The following SUGP2 variants were observed in gnomAD, a reference collection of about 807,000 sequenced individuals.
The protein encoded by SUGP2 is SURP and G-patch domain containing 2, also known as SURP and G-patch domain-containing protein 2.
SUGP2 carries 24 observed loss-of-function variants against 90.5 expected under a neutral mutation model. The observed-to-expected ratio is 0.27, with a 90% CI of 0.19 to 0.37. The LOEUF is 0.37. SUGP2 is among the 10% of genes least tolerant of loss of function. SUGP2 has a pLI of 1.00. For missense variants in SUGP2, 1,233 were observed against 1,363.3 expected, an observed-to-expected ratio of 0.90 and a Z score of 1.51; for synonymous variants, 473 against 513.4, an observed-to-expected ratio of 0.92 and a Z score of 1.06.
chr19:19,019,576 A>C (rs1382314977), intron 3 of SUGP2, among the ~76,000 whole-genome samples: 1 of 152,172 alleles, frequency 6.6e-6, no homozygotes. Context: ...TAAAGTGGAA[A>C]ATATAAATAT....
At position 18,991,728 on chromosome 19, in the gene SUGP2, T is replaced by C. The variant is rs930094026; in HGVS notation, c.*2013A>G. 6.6e-6 allele frequency: 1 copy of C among 152,190 alleles called. No individual in the cohort carries two copies. Among genetic ancestry groups the C allele is most frequent in the Non-Finnish European group, 1.5e-5 (1 of 68,114 alleles). The allele number at this position is 152,190 out of a possible 1,614,324, so 9.4% of individuals were successfully genotyped here. A position where few individuals can be genotyped will look rare whatever the true frequency, so the allele number is the denominator to read the frequency against. ...GAGCTCCATCCATTCACCTGACCCATGGCCAACATGGAAGCTGTCGGAGGG... is the reference window on the plus strand; with the variant it reads ...GAGCTCCATCCATTCACCTGACCCACGGCCAACATGGAAGCTGTCGGAGGG... On this transcript the variant is annotated 3_prime_UTR_variant, in exon 11 of 11. Transcript: ENST00000452918.
chr19:19,017,154 C>A (rs2058528968), intron 4 of SUGP2, among the ~76,000 whole-genome samples: 1 of 152,228 alleles, frequency 6.6e-6, no homozygotes, highest in South Asian at 2.1e-4. Flanking sequence ...CCCTGCATTG[C>A]AGCCTGGGCA....
At chr19:19,009,005 G>A (rs1344463078) in intron 5 of SUGP2, among the ~76,000 whole-genome samples, 8 of 152,098 alleles carry the variant, frequency 5.3e-5, no homozygotes, top group African/African-American at 1.7e-4. Flanking sequence ...TCCGCCTCCC[G>A]GGTTCAAGCG....
At chr19:19,019,374 A>G in intron 3 of SUGP2, 145 bp from the exon 4 acceptor site, 1 of 877,500 alleles carries the variant, frequency 1.1e-6, no homozygotes, top group Non-Finnish European at 1.6e-6. Flanking sequence ...ACCAGCATTG[A>G]AAAGAGGAAA....
At position 19,004,310 on chromosome 19, in the gene SUGP2, G is replaced by A. The variant is rs749838570; in HGVS notation, c.2787C>T (p.Ala929=). 50 of 1,613,564 alleles carry A rather than the reference G, an allele frequency of 3.1e-5. No individual in the cohort carries two copies. In the African/African-American group the frequency reaches 3.9e-4, roughly 12 times the overall value. The part of the protein sequence containing the change: ...TPADGLPGEA[A]EDDLAGAPAL... ...CAGGTGCTCCAGCCAGGTCGTCCTC[G>A]GCAGCCTCGCCGGGAAGGCCGTCGG... Residue 929 remains alanine (A), a synonymous_variant, in exon 7 of 11, where the codon GCC becomes GCT. Transcript: ENST00000452918.
At position 19,024,700 on chromosome 19, in the gene SUGP2, C is replaced by G; in HGVS notation, c.1648G>C (p.Glu550Gln). ...CPLQVKKAEP[E>Q]PMREEEKMIP... ...ATTTTCTCCTCCTCTCGCATCGGCT[C>G]TGGTTCGGCTTTCTTAACCTGGAGG... Residue 550 changes from glutamate (E) to glutamine (Q), a missense_variant, in exon 3 of 11, where the codon GAG (glutamate) becomes CAG (glutamine). Glu to Gln is a conservative substitution (Grantham distance 29). This residue lies in a region of SUGP2 where 540 missense variants were observed against 542.6 expected (regional missense o/e 1.00). Coordinates refer to ENST00000452918, the MANE Select transcript of SUGP2 (RefSeq NM_001017392.5). The G allele has an allele frequency of 6.2e-7, 1 of 1,614,226 alleles. No individual in the cohort carries two copies. The highest frequency in any genetic ancestry group is 8.5e-7 in the Non-Finnish European group (1 of 1,180,036).
At chr19:18,995,115 ACTCC>A in intron 9 of SUGP2, 25 bp downstream of exon 9, 1 of 1,051,096 alleles carries the variant, frequency 9.5e-7, no homozygotes, top group East Asian at 3.3e-5. Context: ...GGCCCCACCC[ACTCC>A]CACCCCAGGC....
At chr19:18,997,305 G>A (rs984835160) in intron 8 of SUGP2, among the ~76,000 whole-genome samples, 1 of 151,994 alleles carries the variant, frequency 6.6e-6, no homozygotes, top group Non-Finnish European at 1.5e-5. Flanking sequence ...GGAGAGGAAA[G>A]GGAGAAGGGA....
At chr19:18,994,285 C>A in intron 10 of SUGP2, 81 bp downstream of exon 10, 1 of 1,551,518 alleles carries the variant, frequency 6.4e-7, no homozygotes. Flanking sequence ...CAGGGAACAT[C>A]AACTTTGTTG....
At position 19,008,391 on chromosome 19, in the gene SUGP2, A is replaced by G; in HGVS notation, c.2376T>C (p.Ala792=). The G allele has an allele frequency of 6.2e-7, 1 of 1,614,206 alleles. No homozygotes were observed. Among genetic ancestry groups the G allele is most frequent in the Non-Finnish European group, 8.5e-7 (1 of 1,180,028 alleles). ...CTGGTCCCACCTGAGCAACAAATCT[A>G]GCCAGTTTCTCTGCAGTCTCCATTG... ...MKTMETAEKL[A]RFVAQVGPEI... The change falls in exon 6 of 11, where the codon GCT becomes GCC. Residue 792 remains alanine, a synonymous_variant. Transcript: ENST00000452918.
chr19:18,994,396 C>A lies in SUGP2; in HGVS notation c.3219G>T (p.Gln1073His). The change falls in exon 10 of 11, where the codon CAG (glutamine) becomes CAT (histidine). Residue 1073 changes from glutamine (Q) to histidine (H), a missense_variant. By Grantham distance (24) the Gln-to-His change is conservative (BLOSUM62 0). Coordinates refer to ENST00000452918, the MANE Select transcript of SUGP2 (RefSeq NM_001017392.5). ...TFDVFRQRMM[Q>H]MYRHKRANK ...TGTTGGCCCGCTTGTGTCTGTACAT[C>A]TGCATCATCCTCTGTCGGAACACAT... 6.2e-7 allele frequency: 1 copy of A among 1,614,244 alleles called. No homozygotes were observed. The highest frequency in any genetic ancestry group is 8.5e-7 in the Non-Finnish European group (1 of 1,180,022).
chr19:19,031,673 A>C, intron 1 of SUGP2, among the ~76,000 whole-genome samples: 1 of 152,130 alleles, frequency 6.6e-6, no homozygotes, highest in East Asian at 1.9e-4. Context: ...ACTGCCCTCC[A>C]GACTGGGGGA....
intron 10 of SUGP2, chr19:18,994,161 T>C (rs2057476013): frequency 1.5e-6 from 1 of 663,814 alleles, no homozygotes; most frequent in Non-Finnish European, 2.4e-6. Context: ...AGTGTGAGGT[T>C]TGCTCCTTCA....
chr19:19,009,795 C>G, intron 5 of SUGP2, 60 bp downstream of exon 5: 2 of 1,529,776 alleles, frequency 1.3e-6, no homozygotes, highest in South Asian at 2.6e-5. Context: ...CTAAAGAGAC[C>G]CTGGAGATGG....
chr19:19,025,953 C>A lies in SUGP2; in HGVS notation c.395G>T (p.Arg132Leu). The change falls in exon 3 of 11, where the codon CGT becomes CTT. Residue 132 changes from arginine to leucine, a missense_variant. Coordinates refer to ENST00000452918, the MANE Select transcript of SUGP2 (RefSeq NM_001017392.5). ...GAGCGCAAATTTCCAGTCCTGAGAA[C>A]GGAAATGCCCCAATTTCCGGTGGCC... ...VIGHRKLGHF[R>L]SQDWKFALRG... 1 of 1,614,166 alleles carries A rather than the reference C, an allele frequency of 6.2e-7. No homozygotes were observed.
At chr19:18,995,040 C>A in intron 9 of SUGP2, 104 bp downstream of exon 9, 1 of 1,439,630 alleles carries the variant, frequency 6.9e-7, no homozygotes, top group Non-Finnish European at 9.5e-7. Flanking sequence ...CAAAAATCAA[C>A]TGCCAGCTGT....
rs760714207 is a variant in SUGP2, at chr19:19,004,362, G to A, written c.2735C>T (p.Ala912Val). Residue 912 changes from alanine to valine, a missense_variant, in exon 7 of 11, where the codon GCG (alanine) becomes GTG (valine). By Grantham distance (64) the Ala-to-Val change is moderately conservative. Around this residue, in one of 8 missense-constraint regions of SUGP2, gnomAD observed 540 missense variants for 542.6 expected, o/e 1.00. Transcript: ENST00000452918. ...GGEEAPAPGG[A>V]GKSEGSTPAD... ...AGGGGTGCTGCCCTCAGACTTGCCC[G>A]CCCCTCCAGGAGCGGGGGCCTCCTC... 38 of 1,613,350 alleles carry A rather than the reference G, an allele frequency of 2.4e-5. No individual in the cohort carries two copies. Among genetic ancestry groups the A allele is most frequent in the African/African-American group, 9.3e-5 (7 of 74,926 alleles).
intron 7 of SUGP2, among the ~76,000 whole-genome samples, chr19:19,003,154 C>T (rs918084660): frequency 2.0e-5 from 3 of 152,170 alleles, no homozygotes; most frequent in Non-Finnish European, 4.4e-5. Context: ...GAATGGTTAG[C>T]ATTTCACTGC....
At chr19:19,019,835 TAAAAAAAAAAAAG>T (rs1480584226) in intron 3 of SUGP2, among the ~76,000 whole-genome samples, 2 of 111,974 alleles carry the variant, frequency 1.8e-5, no homozygotes, top group Admixed American at 1.9e-4. Context: ...TTTCTCCAAT[TAAAAAAAAAAAAG>T]AAAAAAAAAA....
Sources: allele counts gnomAD v4.1 joint callset (sites outside exome capture counted in the v4.1 genomes callset), GRCh38; gene constraint gnomAD v4.1.1; regional missense constraint gnomAD v4.1.1; transcripts MANE v1.5; gene names NCBI Gene and HGNC (gene_info 2026-07-23, HGNC 2026-07-21).